ZNF133: variants seen among roughly 807,000 people sequenced by gnomAD.
ZNF133 encodes zinc finger protein 133.
A neutral mutation model predicts 54.9 loss-of-function variants in ZNF133; 26 were observed. The observed-to-expected ratio is 0.47, with a 90% CI of 0.35 to 0.66. The LOEUF (loss-of-function observed/expected upper bound fraction) is 0.66. ZNF133 is among the 30% of genes least tolerant of loss of function. ZNF133 has a pLI of 0.01. For missense variants in ZNF133, 653 were observed against 820.8 expected (o/e 0.80, Z 2.50); for synonymous variants, 298 against 320.3 (o/e 0.93, Z 0.74).
In ZNF133 at chr20:18,316,731, C is replaced by T. The variant is rs141883712; in HGVS notation, c.1880C>T (p.Thr627Ile). The change falls in exon 7 of 7, where the codon ACC becomes ATC. Residue 627 changes from threonine to isoleucine, a missense_variant. By Grantham distance (89) the Thr-to-Ile change is moderately conservative. This residue lies in a region of ZNF133 where 129 missense variants were observed against 138.5 expected (regional missense o/e 0.93). Coordinates refer to ENST00000425686, the MANE Select transcript of ZNF133 (RefSeq NM_001352452.2). ...TCTCACCTCAGCAGACACAGGAAGA[C>T]CACGTCTGTCCACCACAGACTGCCA... The part of the protein sequence containing the change: ...LKSHLSRHRK[T>I]TSVHHRLPVQ... 757 of 1,614,000 alleles carry T rather than the reference C, an allele frequency of 4.7e-4. No individual in the cohort carries two copies. The highest frequency in any genetic ancestry group is 6.2e-4 in the Non-Finnish European group (730 of 1,179,958).
intron 6 of ZNF133, chr20:18,314,503 A>T (rs959022093): frequency 6.6e-6 from 1 of 152,272 alleles, no homozygotes; most frequent in East Asian, 1.9e-4. Flanking sequence ...ATTCTGGCAT[A>T]GAGTAATCTA....
rs1336331854 is a variant in ZNF133 at position 18,315,098 on chromosome 20, C to A, written c.247C>A (p.Pro83Thr). ...ADPEPELYLD[P>T]FCPPGFSSQK... ...TCCAGAGCCAGAGCTCTACCTCGAT[C>A]CTTTCTGCCCTCCGGGTTTCTCCAG... Residue 83 changes from proline to threonine, a missense_variant, in exon 7 of 7, where the codon CCT (proline) becomes ACT (threonine). Pro to Thr is a conservative substitution (Grantham distance 38, BLOSUM62 -1). This residue lies in a region of ZNF133 where 227 missense variants were observed against 233.9 expected (regional missense o/e 0.97). Coordinates refer to ENST00000425686, the MANE Select transcript of ZNF133 (RefSeq NM_001352452.2). 1.3e-6 allele frequency: 2 copies of A among 1,550,162 alleles called. No individual in the cohort carries two copies. Among genetic ancestry groups the A allele is most frequent in the Middle Eastern group, 1.7e-4 (1 of 5,746 alleles).
intron 6 of ZNF133, among the ~76,000 whole-genome samples, chr20:18,311,707 T>C (rs925614654): frequency 2.6e-5 from 4 of 152,198 alleles, no homozygotes; most frequent in African/African-American, 9.7e-5. Flanking sequence ...TTTATTCTTA[T>C]AATGATTTCC....
At chr20:18,307,694 CT>C (rs1443500427) in intron 6 of ZNF133, among the ~76,000 whole-genome samples, 2 of 152,078 alleles carry the variant, frequency 1.3e-5, no homozygotes, top group African/African-American at 4.8e-5. Flanking sequence ...ATTTTTAAAT[CT>C]TTTTTTTCTC....
chr20:18,298,086 C>T (rs1568742397), intron 2 of ZNF133, 24 bp downstream of exon 2: 6 of 1,535,478 alleles, frequency 3.9e-6, no homozygotes, highest in Non-Finnish European at 5.2e-6. Flanking sequence ...GTCTCCATTA[C>T]TGGCTGTAAC....
Position 18,302,834 on chromosome 20 carries a change from A to G in ZNF133, c.-177-2174A>G, listed in dbSNP as rs139713629. 6.3e-3 allele frequency among the ~76,000 whole-genome samples: 959 copies of G among 152,344 alleles called. 6 individuals carry two copies. The highest frequency in any genetic ancestry group is 0.022 in the African/African-American group (920 of 41,576). ...CTATTAGAACTAGTATATGAAGTCA[A>G]CACACAGAAATCAGTTGCATATCTA... On this transcript the variant is annotated intron_variant, in intron 3 of 6. Transcript: ENST00000425686.
At chr20:18,304,657 T>C (rs1044331559) in intron 3 of ZNF133, among the ~76,000 whole-genome samples, 6 of 152,332 alleles carry the variant, frequency 3.9e-5, no homozygotes, top group African/African-American at 9.6e-5. Flanking sequence ...ATTGCACTTA[T>C]TGTAGCTACA....
rs1355405461 is a variant in ZNF133 at position 18,305,699 on chromosome 20, G to A, written c.13G>A (p.Asp5Asn). The A allele has an allele frequency of 6.2e-7, 1 of 1,614,198 alleles. No homozygotes were observed. Among genetic ancestry groups the A allele is most frequent in the Non-Finnish European group, 8.5e-7 (1 of 1,180,028 alleles). The change falls in exon 5 of 7, where the codon GAT (aspartate) becomes AAT (asparagine). Residue 5 changes from aspartate to asparagine, a missense_variant. By Grantham distance (23) the Asp-to-Asn change is conservative (BLOSUM62 1). Coordinates refer to ENST00000425686, the MANE Select transcript of ZNF133 (RefSeq NM_001352452.2). This position sits in a 1 kb window ranked among gnomAD's most constrained non-coding sequence, Gnocchi z 4.7. MAFRDVAVDFTQDEW... is the reference protein window; with the variant it reads MAFRNVAVDFTQDEW... ...GTTACAGGCACACATGGCATTCAGG[G>A]ATGTGGCTGTGGATTTCACCCAGGA...
intron 3 of ZNF133, 108 bp from the exon 4 acceptor site, chr20:18,304,900 C>T: frequency 1.4e-6 from 1 of 704,024 alleles, no homozygotes; most frequent in Non-Finnish European, 1.7e-6. Context: ...TCCCCACATG[C>T]CTCATCTGTA....
At chr20:18,301,370 G>GAAC (rs2043326869) in intron 3 of ZNF133, among the ~76,000 whole-genome samples, 1 of 151,784 alleles carries the variant, frequency 6.6e-6, no homozygotes, top group Admixed American at 6.6e-5. Context: ...AGAAAAAGAA[G>GAAC]AACAAACTAA....
intron 1 of ZNF133, among the ~76,000 whole-genome samples, chr20:18,289,294 A>G (rs1290694867): frequency 6.6e-6 from 1 of 152,178 alleles, no homozygotes; most frequent in Non-Finnish European, 1.5e-5. Context: ...ACCGTCATTG[A>G]TCGCAAGAAT....
rs139943758 is a variant in ZNF133 at position 18,304,726 on chromosome 20, C to CG, written c.-177-279dup. ...CAAAATGGTCACTACCAGGATCTAG[C>CG]GGGAGGAAAGAATGGGAAGTTATTG... On this transcript the variant is annotated intron_variant, in intron 3 of 6. Coordinates refer to ENST00000425686, the MANE Select transcript of ZNF133 (RefSeq NM_001352452.2). 9.3e-4 allele frequency among the ~76,000 whole-genome samples: 142 copies of CG among 152,212 alleles called. 1 individual carries two copies. The highest frequency in any genetic ancestry group is 3.4e-3 in the African/African-American group (141 of 41,528).
At position 18,301,392 on chromosome 20, in the gene ZNF133, G is replaced by A. The variant is rs1049888673; in HGVS notation, c.-178+2928G>A. ...GAAGAACAAACTAAACCTAAAGCTA[G>A]CAGAAGGAAGGAAATAATAAACACT... On this transcript the variant is annotated intron_variant, in intron 3 of 6. Transcript: ENST00000425686. Among the ~76,000 whole-genome samples, 8 of 152,140 alleles carry A rather than the reference G, an allele frequency of 5.3e-5. No homozygotes were observed. The East Asian group carries it at 9.7e-4, about 18-fold the overall frequency.
chr20:18,296,700 G>C (rs997488815), intron 1 of ZNF133, among the ~76,000 whole-genome samples: 1 of 152,102 alleles, frequency 6.6e-6, no homozygotes, highest in Non-Finnish European at 1.5e-5. Flanking sequence ...ACACCTTTTG[G>C]CTATTGTGAA....
At chr20:18,306,841 A>G in intron 6 of ZNF133, 4 of 1,050,422 alleles carry the variant, frequency 3.8e-6, no homozygotes, top group Non-Finnish European at 4.9e-6. Flanking sequence ...AATGGCTTTT[A>G]CATTTTATAA....
In ZNF133 at chr20:18,303,780, C is replaced by T. The variant is rs375704900; in HGVS notation, c.-177-1228C>T. On this transcript the variant is annotated intron_variant, in intron 3 of 6. Transcript: ENST00000425686. ...TTGAACCCTTACCTAACACCATATACGCAAATTAACTGAAAATGGATCGAA... is the reference window on the plus strand; with the variant it reads ...TTGAACCCTTACCTAACACCATATATGCAAATTAACTGAAAATGGATCGAA... Among the ~76,000 whole-genome samples the T allele has an allele frequency of 9.4e-4, 143 of 152,234 alleles. 3 individuals carry two copies. The East Asian group carries it at 0.024, about 26-fold the overall frequency.
Position 18,305,119 on chromosome 20 carries a change from A to G in ZNF133, c.-66A>G. 1.0e-5 allele frequency: 10 copies of G among 985,798 alleles called. No homozygotes were observed. The highest frequency in any genetic ancestry group is 1.2e-5 in the Non-Finnish European group (10 of 830,210). 61.1% of individuals were successfully genotyped at this position (985,798 alleles called of 1,614,324 possible). A position where few individuals can be genotyped will look rare whatever the true frequency, so the allele number is the denominator to read the frequency against. On this transcript the variant is annotated 5_prime_UTR_variant, in exon 4 of 7. It removes an upstream start codon present in the reference 5' UTR. Coordinates refer to ENST00000425686, the MANE Select transcript of ZNF133 (RefSeq NM_001352452.2). This position sits in a 1 kb window ranked among gnomAD's most constrained non-coding sequence, Gnocchi z 4.7. ...TTGGACTGAGTGGCCAAGAAGCTCCATGGTGAGCACTCACAGTCTAAGGCT... is the reference window on the plus strand; with the variant it reads ...TTGGACTGAGTGGCCAAGAAGCTCCGTGGTGAGCACTCACAGTCTAAGGCT...
intron 6 of ZNF133, chr20:18,310,456 T>C (rs1047215924): frequency 4.4e-6 from 4 of 913,436 alleles, no homozygotes; most frequent in Non-Finnish European, 6.1e-6. Flanking sequence ...ATTCAATAAA[T>C]GTAACGGAAT....
At chr20:18,314,234 G>C (rs192478543) in intron 6 of ZNF133, 1 of 152,072 alleles carries the variant, frequency 6.6e-6, no homozygotes, top group Non-Finnish European at 1.5e-5. Context: ...TCTCTACCTC[G>C]TTACTCATAT....
Sources: gnomAD v4.1 joint callset for allele counts (sites outside exome capture counted in the v4.1 genomes callset) on GRCh38, gnomAD v4.1.1 for gene constraint, gnomAD v4.1.1 regional missense constraint, Gnocchi (gnomAD v3.1) non-coding constraint, MANE v1.5 for transcripts, NCBI Gene and HGNC (gene_info 2026-07-23, HGNC 2026-07-21) for gene names.